AMD1: variants seen among roughly 807,000 people sequenced by gnomAD.
The protein encoded by AMD1 is adenosylmethionine decarboxylase 1.
A neutral mutation model predicts 40.2 loss-of-function variants in AMD1; 11 were observed. The ratio of observed to expected loss-of-function variants is 0.27; its 90% CI spans 0.17 to 0.45. AMD1 has a LOEUF of 0.45. Ranked by LOEUF, AMD1 falls within the 20% of genes least tolerant of loss-of-function variation. The probability of loss-of-function intolerance (pLI) is 1.00; values close to 1 mark genes in which losing one functional copy is unlikely to be tolerated. For missense variants in AMD1, 257 were observed against 410.2 expected (o/e 0.63, Z 3.23); for synonymous variants, 121 against 130.8 (o/e 0.93, Z 0.51).
chr6:110,890,443 T>G (rs764880452), intron 4 of AMD1, 87 bp downstream of exon 4: 1 of 960,110 alleles, frequency 1.0e-6, no homozygotes, highest in South Asian at 1.4e-5. Context: ...AGCATACTTA[T>G]GCATATATAG....
rs1786257472 is a variant in AMD1, at chr6:110,895,587, G to T, written c.*1971G>T. The T allele has an allele frequency of 6.5e-6, 1 of 152,734 alleles. No individual in the cohort carries two copies. The highest frequency in any genetic ancestry group is 1.9e-4 in the East Asian group (1 of 5,190). The allele number at this position is 152,734 out of a possible 1,614,324, so 9.5% of individuals were successfully genotyped here. A position where few individuals can be genotyped will look rare whatever the true frequency, so the allele number is the denominator to read the frequency against. Reference sequence around the variant, plus strand: ...TCATAATCTAAATCATCGTATGATAGAAGAGGGAAAGTTTTGGTGCCATAA... The same window carrying T: ...TCATAATCTAAATCATCGTATGATATAAGAGGGAAAGTTTTGGTGCCATAA... On this transcript the variant is annotated 3_prime_UTR_variant, in exon 9 of 9. Transcript: ENST00000368885.
chr6:110,887,127 CTCT>C (rs987754210), intron 1 of AMD1, among the ~76,000 whole-genome samples: 2 of 151,208 alleles, frequency 1.3e-5, no homozygotes, highest in African/African-American at 2.4e-5. Flanking sequence ...TAAAATTATG[CTCT>C]TCTTTTTTTT....
intron 1 of AMD1, among the ~76,000 whole-genome samples, chr6:110,880,675 ACTT>A (rs1785357971): frequency 6.6e-6 from 1 of 152,018 alleles, no homozygotes; most frequent in Non-Finnish European, 1.5e-5. Context: ...TCAGTCATTT[ACTT>A]CTTTTTTTGA....
chr6:110,834,776 G>T, the AMD1 span, among the ~76,000 whole-genome samples: 1 of 151,792 alleles, frequency 6.6e-6, no homozygotes, highest in Non-Finnish European at 1.5e-5. Context: ...GGCCAACGTG[G>T]TGAAACCCCA....
chr6:110,853,312 G>GT, the AMD1 span, among the ~76,000 whole-genome samples: 886 of 136,856 alleles, frequency 6.5e-3, 6 homozygotes, highest in African/African-American at 0.017. Context: ...TGGGTTTTTT[G>GT]TTTTTTTTTT....
Position 110,892,383 on chromosome 6 carries a change from C to G in AMD1, c.555C>G (p.Asp185Glu), listed in dbSNP as rs756678669. The change falls in exon 6 of 9, where the codon GAC becomes GAG. Residue 185 changes from aspartate to glutamate, a missense_variant. By Grantham distance (45) the Asp-to-Glu change is conservative. Around this residue, in one of 3 missense-constraint regions of AMD1, gnomAD observed 192 missense variants for 296.5 expected, o/e 0.65. Transcript: ENST00000368885. ...QTLEILMSEL[D>E]PAVMDQFYMK... is the part of the protein sequence containing the mutation. ...TGGAAATTCTGATGAGTGAGCTTGA[C>G]CCAGCAGTTATGGACCAGTTCTACA... 1.2e-6 allele frequency: 2 copies of G among 1,612,732 alleles called. No homozygotes were observed. The highest frequency in any genetic ancestry group is 1.7e-6 in the Non-Finnish European group (2 of 1,180,022).
At chr6:110,844,710 G>A in the AMD1 span, among the ~76,000 whole-genome samples, 2 of 151,762 alleles carry the variant, frequency 1.3e-5, no homozygotes, top group South Asian at 2.1e-4. Flanking sequence ...GAACCCGGGA[G>A]GCAGAGGTTG....
the AMD1 span, among the ~76,000 whole-genome samples, chr6:110,860,983 T>G: frequency 6.6e-6 from 1 of 151,952 alleles, no homozygotes; most frequent in South Asian, 2.1e-4. Context: ...CTCAGCACTT[T>G]GGGAGGTCAA....
At chr6:110,862,473 T>G in the AMD1 span, among the ~76,000 whole-genome samples, 1 of 151,112 alleles carries the variant, frequency 6.6e-6, no homozygotes, top group African/African-American at 2.4e-5. Context: ...TTTACTTATT[T>G]TTTTTTTTTT....
At chr6:110,860,597 G>A in the AMD1 span, among the ~76,000 whole-genome samples, 4 of 150,166 alleles carry the variant, frequency 2.7e-5, no homozygotes, top group Non-Finnish European at 4.4e-5. Context: ...TCAGGAGTTC[G>A]CGACCAACCT....
the AMD1 span, among the ~76,000 whole-genome samples, chr6:110,868,904 T>A: frequency 4.0e-5 from 6 of 150,738 alleles, no homozygotes; most frequent in African/African-American, 1.5e-4. Flanking sequence ...AAAAAAAAAA[T>A]ACAAAATTAG....
At chr6:110,814,847 C>A in the AMD1 span, 566 of 899,482 alleles carry the variant, frequency 6.3e-4, 2 homozygotes, top group Admixed American at 9.6e-4. Flanking sequence ...GGGAGGCGGG[C>A]GGAACGGGCG....
intron 1 of AMD1, 103 bp from the exon 2 acceptor site, chr6:110,887,398 TATTA>T (rs1183963924): frequency 2.0e-5 from 14 of 683,704 alleles, no homozygotes; most frequent in South Asian, 1.1e-4. Flanking sequence ...TGGTGTACAA[TATTA>T]ATTAAAAATG....
At chr6:110,835,539 T>C in the AMD1 span, among the ~76,000 whole-genome samples, 1 of 152,140 alleles carries the variant, frequency 6.6e-6, no homozygotes, top group South Asian at 2.1e-4. Flanking sequence ...CACTGAGTCA[T>C]GCAGATCTTC....
At chr6:110,845,793 C>G in the AMD1 span, among the ~76,000 whole-genome samples, 1 of 152,256 alleles carries the variant, frequency 6.6e-6, no homozygotes, top group African/African-American at 2.4e-5. Context: ...TGGGACTTCG[C>G]CTTGTGATCG....
At chr6:110,876,504 A>G (rs1785124052) in intron 1 of AMD1, among the ~76,000 whole-genome samples, 1 of 152,238 alleles carries the variant, frequency 6.6e-6, no homozygotes, top group Non-Finnish European at 1.5e-5. Flanking sequence ...CCAGGCAGAC[A>G]CGTGCTACCG....
chr6:110,892,638 T>A, intron 6 of AMD1, 97 bp from the exon 7 acceptor site: 2 of 1,463,320 alleles, frequency 1.4e-6, no homozygotes, highest in East Asian at 2.3e-5. Flanking sequence ...TTATTTTTCC[T>A]GGTCCTCTCC....
At chr6:110,846,098 G>A in the AMD1 span, among the ~76,000 whole-genome samples, 1 of 152,196 alleles carries the variant, frequency 6.6e-6, no homozygotes, top group East Asian at 1.9e-4. Flanking sequence ...AAATTAGCCG[G>A]TGTGGTGGTG....
intron 2 of AMD1, 73 bp from the exon 3 acceptor site, chr6:110,888,784 A>T: frequency 1.4e-6 from 2 of 1,443,122 alleles, no homozygotes; most frequent in Non-Finnish European, 1.9e-6. Context: ...TGTAAATGAT[A>T]ATTAAATTGG....
Sources: allele counts gnomAD v4.1 joint callset (sites outside exome capture counted in the v4.1 genomes callset), GRCh38; gene constraint gnomAD v4.1.1; regional missense constraint gnomAD v4.1.1; transcripts MANE v1.5; gene names NCBI Gene and HGNC (gene_info 2026-07-23, HGNC 2026-07-21).